Variants in EFCAB11 observed in about 807,000 individuals in gnomAD.
The protein encoded by EFCAB11 is EF-hand calcium binding domain 11.
A neutral mutation model predicts 23.0 loss-of-function variants in EFCAB11; 14 were observed. That is an observed-to-expected ratio of 0.61 (90% confidence interval 0.40 to 0.95). EFCAB11 has a LOEUF of 0.95. Among genes scored for constraint, EFCAB11 ranks in the 40% least tolerant of loss-of-function variants. EFCAB11 has a pLI of 0.00. For synonymous variants in EFCAB11, 65 were observed against 66.6 expected, an observed-to-expected ratio of 0.98 and a Z score of 0.11; for missense variants, 198 against 195.8, an observed-to-expected ratio of 1.01 and a Z score of -0.07.
chr14:89,830,513 G>A (rs1320764500), intron 5 of EFCAB11: 1 of 152,030 alleles, frequency 6.6e-6, no homozygotes, highest in African/African-American at 2.4e-5. Context: ...GTATCGGTTT[G>A]CAACAGACTG....
At chr14:89,925,410 T>C (rs947359868) in intron 5 of EFCAB11, among the ~76,000 whole-genome samples, 3 of 152,208 alleles carry the variant, frequency 2.0e-5, no homozygotes, top group East Asian at 1.9e-4. Flanking sequence ...TTTATTAGTG[T>C]TAAAGAGGAA....
At chr14:89,804,177 C>A (rs542556463) in intron 5 of EFCAB11, among the ~76,000 whole-genome samples, 5 of 152,216 alleles carry the variant, frequency 3.3e-5, no homozygotes, top group African/African-American at 7.2e-5. Flanking sequence ...CCCTACCCCC[C>A]AAACGTGGAA....
chr14:89,930,539 G>A (rs1247364458), intron 5 of EFCAB11, among the ~76,000 whole-genome samples: 2 of 152,130 alleles, frequency 1.3e-5, no homozygotes, highest in East Asian at 3.8e-4. Flanking sequence ...TCCTGAAAAG[G>A]AGTGCATACC....
chr14:89,920,644 G>A (rs2139785412), intron 5 of EFCAB11, among the ~76,000 whole-genome samples: 1 of 152,332 alleles, frequency 6.6e-6, no homozygotes, highest in Admixed American at 6.5e-5. Flanking sequence ...CTGGCACATG[G>A]AAAACACTTA....
chr14:89,837,850 G>A (rs947425005), intron 5 of EFCAB11, among the ~76,000 whole-genome samples: 2 of 152,048 alleles, frequency 1.3e-5, no homozygotes, highest in Admixed American at 1.3e-4. Context: ...GTGGGGCGGG[G>A]AGCTGTGGGG....
At chr14:89,847,983 A>C (rs1887487706) in intron 5 of EFCAB11, among the ~76,000 whole-genome samples, 1 of 152,194 alleles carries the variant, frequency 6.6e-6, no homozygotes, top group African/African-American at 2.4e-5. Flanking sequence ...CGTAGTTAAC[A>C]ATCAATAATA....
At chr14:89,892,112 T>G in intron 5 of EFCAB11, 1 of 1,551,258 alleles carries the variant, frequency 6.4e-7, no homozygotes, top group Admixed American at 2.0e-5. Context: ...CATCCAAGAC[T>G]GGCACCAGGA....
intron 5 of EFCAB11, among the ~76,000 whole-genome samples, chr14:89,913,963 C>T (rs1406595138): frequency 6.6e-6 from 1 of 152,106 alleles, no homozygotes; most frequent in Non-Finnish European, 1.5e-5. Context: ...TCTTTGTATG[C>T]CGGAGACCCA....
intron 5 of EFCAB11, among the ~76,000 whole-genome samples, chr14:89,808,760 T>C (rs563847454): frequency 2.0e-5 from 3 of 152,170 alleles, no homozygotes; most frequent in African/African-American, 7.2e-5. Flanking sequence ...CCACTCACAA[T>C]AAAAAAGTCA....
chr14:89,934,028 C>G (rs984756752), intron 3 of EFCAB11, among the ~76,000 whole-genome samples: 1 of 152,238 alleles, frequency 6.6e-6, no homozygotes, highest in African/African-American at 2.4e-5. Context: ...GTGGCTGGAA[C>G]AAAGTGAGCC....
At position 89,951,798 on chromosome 14, in the gene EFCAB11, A is replaced by T. The variant is rs1161110204; in HGVS notation, c.172-1656T>A. On this transcript the variant is annotated intron_variant, in intron 2 of 5. Transcript: ENST00000316738. Reference sequence around the variant, plus strand: ...AAAAGAACCGGGTATGGTCGTGTGCACCTGTAGTCCCAGCTACTCAAGAGG... The same window carrying T: ...AAAAGAACCGGGTATGGTCGTGTGCTCCTGTAGTCCCAGCTACTCAAGAGG... 4.6e-5 allele frequency among the ~76,000 whole-genome samples: 7 copies of T among 151,728 alleles called. No individual in the cohort carries two copies. In the East Asian group the frequency reaches 1.4e-3, roughly 29 times the overall value.
chr14:89,818,716 G>C (rs1382848924), intron 5 of EFCAB11, among the ~76,000 whole-genome samples: 1 of 152,140 alleles, frequency 6.6e-6, no homozygotes, highest in Non-Finnish European at 1.5e-5. Context: ...AAATAGGTGA[G>C]AGATTTGAAC....
At chr14:89,915,647 G>C (rs901091197) in intron 5 of EFCAB11, among the ~76,000 whole-genome samples, 19 of 152,120 alleles carry the variant, frequency 1.2e-4, no homozygotes, top group Non-Finnish European at 2.8e-4. Flanking sequence ...TTTCACCTGA[G>C]AAGAAAGTAT....
chr14:89,872,145 T>A (rs1189643495), intron 5 of EFCAB11, among the ~76,000 whole-genome samples: 3 of 152,240 alleles, frequency 2.0e-5, no homozygotes, highest in Admixed American at 6.5e-5. Context: ...ACCATATTCT[T>A]TTCCTTTGTG....
intron 5 of EFCAB11, among the ~76,000 whole-genome samples, chr14:89,872,394 A>G (rs1888305669): frequency 6.6e-6 from 1 of 152,246 alleles, no homozygotes; most frequent in African/African-American, 2.4e-5. Flanking sequence ...GGTGGGGCAC[A>G]GTGCAAGTAG....
chr14:89,914,304 T>A (rs776986791), intron 5 of EFCAB11, among the ~76,000 whole-genome samples: 16 of 152,166 alleles, frequency 1.1e-4, no homozygotes, highest in Non-Finnish European at 2.2e-4. Flanking sequence ...GAGCATGGGA[T>A]GTGGTGGAGG....
chr14:89,841,452 C>A (rs181075973), intron 5 of EFCAB11, among the ~76,000 whole-genome samples: 4 of 151,864 alleles, frequency 2.6e-5, no homozygotes, highest in Admixed American at 2.6e-4. Context: ...TTCCCCGCCG[C>A]ACCCCCAGTC....
At chr14:89,802,634 C>T (rs569613117) in intron 5 of EFCAB11, among the ~76,000 whole-genome samples, 2 of 152,290 alleles carry the variant, frequency 1.3e-5, no homozygotes, top group African/African-American at 4.8e-5. Flanking sequence ...CTCAAATGAT[C>T]CTCCTGCCTT....
chr14:89,849,899 C>T (rs538702992), intron 5 of EFCAB11, among the ~76,000 whole-genome samples: 2 of 152,250 alleles, frequency 1.3e-5, no homozygotes, highest in African/African-American at 4.8e-5. Context: ...AAATTCTACG[C>T]TATCATTAAT....
Sources: gnomAD v4.1 joint callset for allele counts (sites outside exome capture counted in the v4.1 genomes callset) on GRCh38, gnomAD v4.1.1 for gene constraint, MANE v1.5 for transcripts, NCBI Gene and HGNC (gene_info 2026-07-23, HGNC 2026-07-21) for gene names.